The following TNFRSF10D variants were observed in gnomAD, a reference collection of about 807,000 sequenced individuals.
The protein encoded by TNFRSF10D is TNF receptor superfamily member 10d.
A neutral mutation model predicts 42.1 loss-of-function variants in TNFRSF10D; 28 were observed. The ratio of observed to expected loss-of-function variants is 0.66; its 90% CI spans 0.49 to 0.91. The LOEUF is 0.91. Ranked by LOEUF, TNFRSF10D falls within the 40% of genes least tolerant of loss-of-function variation. TNFRSF10D has a pLI of 0.00. For missense variants in TNFRSF10D, 503 were observed against 486.1 expected (o/e 1.03, Z -0.33); for synonymous variants, 186 against 189.4 (o/e 0.98, Z 0.15).
intron 1 of TNFRSF10D, 109 bp downstream of exon 1, chr8:23,163,677 G>C: frequency 6.7e-7 from 1 of 1,498,408 alleles, no homozygotes. Context: ...AGACATGCCC[G>C]GCCGCAGGCG....
chr8:23,152,436 T>C (rs1800223536), intron 2 of TNFRSF10D, among the ~76,000 whole-genome samples: 1 of 152,068 alleles, frequency 6.6e-6, no homozygotes, highest in African/African-American at 2.4e-5. Context: ...GCAAAGAAGG[T>C]TCACACTGCT....
In TNFRSF10D at chr8:23,137,982, G is replaced by A. The variant is rs756056407; in HGVS notation, c.1049C>T (p.Ser350Leu). The stretch of plus-strand genomic sequence containing the variant: ...TGCATGTCCTTCTTCCAGTGTTGCC[G>A]AGGCATCCAGCAAGGTGCTGACTGA... ...SADISTLLDA[S>L]ATLEEGHAKE... Residue 350 changes from serine to leucine, a missense_variant, in exon 9 of 9, where the codon TCG becomes TTG. Physicochemically the swap from Ser to Leu is moderately radical, Grantham distance 145 (BLOSUM62 -2). Transcript: ENST00000312584. 9.3e-6 allele frequency: 15 copies of A among 1,614,170 alleles called. No homozygotes were observed. Among genetic ancestry groups the A allele is most frequent in the South Asian group, 4.4e-5 (4 of 91,086 alleles).
chr8:23,150,624 T>C (rs1286588528), intron 2 of TNFRSF10D, among the ~76,000 whole-genome samples: 1 of 152,232 alleles, frequency 6.6e-6, no homozygotes, highest in Non-Finnish European at 1.5e-5. Flanking sequence ...CTCAGTCAGC[T>C]ACTAGAGAAT....
intron 7 of TNFRSF10D, among the ~76,000 whole-genome samples, chr8:23,140,119 C>CTGTG (rs1814426428): frequency 3.3e-5 from 5 of 152,232 alleles, no homozygotes; most frequent in African/African-American, 9.6e-5. Flanking sequence ...GAAACCCCAC[C>CTGTG]TCTACTAAAA....
At chr8:23,156,697 G>A (rs759901313) in intron 1 of TNFRSF10D, among the ~76,000 whole-genome samples, 9 of 151,966 alleles carry the variant, frequency 5.9e-5, no homozygotes, top group Non-Finnish European at 8.8e-5. Context: ...CTAAGTGGCC[G>A]GGACCACAGA....
chr8:23,163,687 G>C, intron 1 of TNFRSF10D, 99 bp downstream of exon 1: 1 of 1,508,506 alleles, frequency 6.6e-7, no homozygotes, highest in Non-Finnish European at 8.9e-7. Flanking sequence ...GGCCGCAGGC[G>C]ACCCGGGCCA....
At chr8:23,138,638 G>A (rs910095856) in intron 7 of TNFRSF10D, among the ~76,000 whole-genome samples, 11 of 152,010 alleles carry the variant, frequency 7.2e-5, no homozygotes, top group African/African-American at 1.7e-4. Context: ...GCAGAGTCTC[G>A]GCAGACTATA....
At chr8:23,155,057 A>C in intron 1 of TNFRSF10D, 78 bp from the exon 2 acceptor site, 1 of 1,129,116 alleles carries the variant, frequency 8.9e-7, no homozygotes, top group South Asian at 1.6e-5. Flanking sequence ...CATTCCCTTC[A>C]CCCCAAGTGA....
chr8:23,152,204 C>T (rs1471657998), intron 2 of TNFRSF10D, among the ~76,000 whole-genome samples: 1 of 152,186 alleles, frequency 6.6e-6, no homozygotes. Context: ...CAACAAAACA[C>T]AGGAAACACA....
chr8:23,142,217 G>A (rs1800036462), intron 7 of TNFRSF10D, among the ~76,000 whole-genome samples: 1 of 151,990 alleles, frequency 6.6e-6, no homozygotes, highest in Non-Finnish European at 1.5e-5. Flanking sequence ...GTTGCAGTGA[G>A]CCGAGATTGT....
At position 23,145,863 on chromosome 8, in the gene TNFRSF10D, T is replaced by C. The variant is rs1396025366; in HGVS notation, c.541A>G (p.Lys181Glu). The C allele has an allele frequency of 2.5e-6, 4 of 1,614,080 alleles. No homozygotes were observed. Among genetic ancestry groups the C allele is most frequent in the African/African-American group, 1.3e-5 (1 of 74,928 alleles). The stretch of plus-strand genomic sequence containing the variant: ...GTGGAACTGGCAGCTGATTCATTTT[T>C]GCACTTGATGTCACTCCGGGGCGTA... ...NCTPRSDIKC[K>E]NESAASSTGK... The change falls in exon 5 of 9, where the codon AAA (lysine) becomes GAA (glutamate). Residue 181 changes from lysine to glutamate, a missense_variant. Coordinates refer to ENST00000312584, the MANE Select transcript of TNFRSF10D (RefSeq NM_003840.5).
intron 1 of TNFRSF10D, among the ~76,000 whole-genome samples, chr8:23,156,750 A>G (rs185043908): frequency 5.2e-3 from 783 of 151,662 alleles, no homozygotes; most frequent in African/African-American, 0.016. Flanking sequence ...GGTGTATTTT[A>G]TACAGCTGGG....
Position 23,157,080 on chromosome 8 carries a change from T to A in TNFRSF10D, c.151-2101A>T, listed in dbSNP as rs1485936617. On this transcript the variant is annotated intron_variant, in intron 1 of 8. Transcript: ENST00000312584. The stretch of plus-strand genomic sequence containing the variant: ...TTATTCATATAATTCACCCATTTAG[T>A]CTACATTTCAGTAGTTTTTTAATAT... Among the ~76,000 whole-genome samples, 10 of 152,182 alleles carry A rather than the reference T, an allele frequency of 6.6e-5. No homozygotes were observed. The East Asian group carries it at 1.9e-3, about 29-fold the overall frequency.
intron 2 of TNFRSF10D, among the ~76,000 whole-genome samples, chr8:23,151,999 G>A (rs556186439): frequency 6.6e-4 from 101 of 152,256 alleles, no homozygotes; most frequent in African/African-American, 2.2e-3. Context: ...GCCTAATTGG[G>A]TGTTCATCTT....
rs773960370 is a variant in TNFRSF10D, at chr8:23,163,841, A to C, written c.95T>G (p.Leu32Arg). Reference protein sequence around the residue: ...ARTASGTRPWLLDPKILKFVV... With the variant: ...ARTASGTRPWRLDPKILKFVV... ...GAACTTAAGGATCTTGGGGTCCAGG[A>C]GCCATGGTCTGGTTCCCGACGCTGT... is the stretch of plus-strand genomic sequence containing the variant. Residue 32 changes from leucine (L) to arginine (R), a missense_variant, in exon 1 of 9, where the codon CTC becomes CGC. Coordinates refer to ENST00000312584, the MANE Select transcript of TNFRSF10D (RefSeq NM_003840.5). 2 of 1,607,842 alleles carry C rather than the reference A, an allele frequency of 1.2e-6. No homozygotes were observed. Among genetic ancestry groups the C allele is most frequent in the Non-Finnish European group, 1.7e-6 (2 of 1,178,074 alleles).
chr8:23,136,239 T>C lies in TNFRSF10D; in HGVS notation c.*1631A>G, dbSNP rs550211478. The stretch of plus-strand genomic sequence containing the variant: ...CGATTACTGAGGTTTTTAAATAAAA[T>C]AATGGAACGTGACACAAGGACAAAT... On this transcript the variant is annotated 3_prime_UTR_variant, in exon 9 of 9. Coordinates refer to ENST00000312584, the MANE Select transcript of TNFRSF10D (RefSeq NM_003840.5). 2.1e-5 allele frequency: 5 copies of C among 242,556 alleles called. No individual in the cohort carries two copies. The East Asian group carries it at 6.5e-4, about 31-fold the overall frequency. 15.0% of individuals were successfully genotyped at this position (242,556 alleles called of 1,614,324 possible).
chr8:23,146,973 G>A lies in TNFRSF10D; in HGVS notation c.470C>T (p.Thr157Met), dbSNP rs149074636. 1.4e-3 allele frequency: 2,290 copies of A among 1,612,852 alleles called. 3 individuals are homozygous for A. The highest frequency in any genetic ancestry group is 2.0e-3 in the Admixed American group (119 of 59,986). Residue 157 changes from threonine to methionine, a missense_variant, in exon 4 of 9, where the codon ACG becomes ATG. Physicochemically the swap from Thr to Met is moderately conservative, Grantham distance 81. Coordinates refer to ENST00000312584, the MANE Select transcript of TNFRSF10D (RefSeq NM_003840.5). ...GCTGCTGTCTTACCCTGTTCTACAC[G>A]TCCGGCACATCTCAGGGGAGTTTTT... ...QDKNSPEMCR[T>M]CRTGCPRGMV...
chr8:23,156,771 G>A (rs756872438), intron 1 of TNFRSF10D, among the ~76,000 whole-genome samples: 1 of 152,080 alleles, frequency 6.6e-6, no homozygotes, highest in Non-Finnish European at 1.5e-5. Context: ...GTTTCATCAC[G>A]TTGCCCAGGC....
At chr8:23,148,321 G>A (rs1408557471) in intron 3 of TNFRSF10D, 117 bp downstream of exon 3, 7 of 578,460 alleles carry the variant, frequency 1.2e-5, no homozygotes, top group Non-Finnish European at 2.2e-5. Flanking sequence ...ATGGAACAGG[G>A]CATGATGAAG....
Sources: allele counts gnomAD v4.1 joint callset (sites outside exome capture counted in the v4.1 genomes callset), GRCh38; gene constraint gnomAD v4.1.1; transcripts MANE v1.5; gene names NCBI Gene and HGNC (gene_info 2026-07-23, HGNC 2026-07-21).